Variants in PRKAR1A observed in about 807,000 individuals in gnomAD.
The protein encoded by PRKAR1A is cAMP-dependent protein kinase type I-alpha regulatory subunit.
Under a neutral mutation model 52.0 loss-of-function variants are expected in PRKAR1A, and 3 were observed. That is an observed-to-expected ratio of 0.06 (90% CI 0.03 to 0.15). The LOEUF is 0.15. Ranked by LOEUF, PRKAR1A falls within the 10% of genes least tolerant of loss-of-function variation. The pLI, the probability that PRKAR1A is intolerant of heterozygous loss-of-function variation, is 1.00. For missense variants in PRKAR1A, 240 were observed against 477.4 expected (o/e 0.50, Z 4.63); for synonymous variants, 188 against 168.4 (o/e 1.12, Z -0.90).
chr17:68,437,787 T>C, the PRKAR1A span, among the ~76,000 whole-genome samples: 91 of 152,004 alleles, frequency 6.0e-4, no homozygotes, highest in East Asian at 0.016. Context: ...AAGCTGTTTT[T>C]ATTTATAAGG....
intron 2 of PRKAR1A, among the ~76,000 whole-genome samples, chr17:68,517,235 C>T (rs1432351602): frequency 6.6e-6 from 1 of 152,052 alleles, no homozygotes; most frequent in Non-Finnish European, 1.5e-5. Flanking sequence ...ACATTCCTTC[C>T]AGGGTTGAAT....
At chr17:68,457,354 T>C in the PRKAR1A span, 1 of 1,544,512 alleles carries the variant, frequency 6.5e-7, no homozygotes, top group Non-Finnish European at 8.7e-7. Context: ...GCAGTCCTGG[T>C]TGAAAGAGAA....
At chr17:68,543,296 A>G (rs982391361) in intron 11 of PRKAR1A, among the ~76,000 whole-genome samples, 2 of 152,136 alleles carry the variant, frequency 1.3e-5, no homozygotes, top group Admixed American at 6.5e-5. Flanking sequence ...ACCTAATATC[A>G]TAACAGTGAG....
chr17:68,419,433 G>C, the PRKAR1A span, among the ~76,000 whole-genome samples: 1 of 152,020 alleles, frequency 6.6e-6, no homozygotes, highest in Non-Finnish European at 1.5e-5. Context: ...AAAATTAGCC[G>C]AGCGTGGTGG....
intron 7 of PRKAR1A, among the ~76,000 whole-genome samples, chr17:68,526,762 A>C (rs987375331): frequency 6.6e-6 from 1 of 152,160 alleles, no homozygotes; most frequent in Non-Finnish European, 1.5e-5. Flanking sequence ...ACTGGGGCCT[A>C]CTTGAGGGTG....
chr17:68,494,938 T>C, the PRKAR1A span, among the ~76,000 whole-genome samples: 4 of 152,250 alleles, frequency 2.6e-5, no homozygotes, highest in Non-Finnish European at 5.9e-5. Context: ...TAGCCGTAGA[T>C]AATTGGAATT....
chr17:68,420,617 C>T, the PRKAR1A span: 2 of 893,302 alleles, frequency 2.2e-6, no homozygotes, highest in Non-Finnish European at 3.4e-6. Flanking sequence ...GTATCCTGTC[C>T]CTCCTCCACG....
intron 7 of PRKAR1A, among the ~76,000 whole-genome samples, chr17:68,527,104 G>C (rs1433983138): frequency 6.6e-6 from 1 of 152,180 alleles, no homozygotes; most frequent in Non-Finnish European, 1.5e-5. Flanking sequence ...GTCAAAGAAG[G>C]AAGAGGTAGG....
the PRKAR1A span, among the ~76,000 whole-genome samples, chr17:68,479,905 T>G: frequency 0.22 from 33,923 of 152,166 alleles, 3,999 homozygotes; most frequent in South Asian, 0.25. Flanking sequence ...GGAGAGAGAA[T>G]TGCTGAGCAG....
the PRKAR1A span, among the ~76,000 whole-genome samples, chr17:68,419,805 A>T: frequency 6.6e-6 from 1 of 151,164 alleles, no homozygotes; most frequent in African/African-American, 2.4e-5. Context: ...GGAAAAAAAA[A>T]AAAAAAGTTG....
chr17:68,431,881 C>T, the PRKAR1A span, among the ~76,000 whole-genome samples: 1 of 151,956 alleles, frequency 6.6e-6, no homozygotes, highest in Middle Eastern at 3.4e-3. Context: ...TAATAATCCC[C>T]AGTGGAGGCG....
chr17:68,535,322 CT>C (rs1484585654), downstream of PRKAR1A: 1 of 453,862 alleles, frequency 2.2e-6, no homozygotes. Flanking sequence ...AAATTCAAGC[CT>C]ATTGCTTTCT....
chr17:68,521,522 T>C (rs565638489), intron 2 of PRKAR1A, among the ~76,000 whole-genome samples: 2 of 152,370 alleles, frequency 1.3e-5, no homozygotes, highest in African/African-American at 4.8e-5. Flanking sequence ...TAAGCCACTG[T>C]ACCCAGTCAT....
At chr17:68,426,254 G>GGGGGGGGCCCCCCCC in the PRKAR1A span, 2 of 816,912 alleles carry the variant, frequency 2.4e-6, no homozygotes, top group Non-Finnish European at 1.9e-6. Context: ...GGGAGCGGGG[G>GGGGGGGGCCCCCCCC]CTCAAATAAA....
chr17:68,483,406 G>A, the PRKAR1A span, among the ~76,000 whole-genome samples: 134 of 152,218 alleles, frequency 8.8e-4, no homozygotes, highest in Middle Eastern at 6.8e-3. Context: ...ACTTGAACTC[G>A]GGAGACAGAG....
chr17:68,457,315 C>CCTGG, the PRKAR1A span: 1 of 1,540,202 alleles, frequency 6.5e-7, no homozygotes, highest in South Asian at 1.2e-5. Flanking sequence ...CCCCCACCTC[C>CCTGG]CTGGCAGGGG....
the PRKAR1A span, among the ~76,000 whole-genome samples, chr17:68,503,289 C>G: frequency 6.6e-6 from 1 of 152,150 alleles, no homozygotes; most frequent in East Asian, 1.9e-4. Flanking sequence ...GGTACACCTA[C>G]TTTAGAATCC....
Position 68,541,975 on chromosome 17 carries a change from A to C in PRKAR1A, c.974-9109A>C, listed in dbSNP as rs779928728. 1.7e-5 allele frequency: 27 copies of C among 1,611,366 alleles called. No individual in the cohort carries two copies. In the African/African-American group the frequency reaches 3.2e-4, roughly 19 times the overall value. On this transcript the variant is annotated intron_variant, in intron 11 of 11. Coordinates refer to the PRKAR1A transcript ENST00000585981. The stretch of plus-strand genomic sequence containing the variant: ...AAGGACTGGGCTGTGTGGCCTGGGG[A>C]CCAACTCACTCCTCTTTTCCTGCCA...
the PRKAR1A span, chr17:68,424,308 G>A: frequency 2.4e-5 from 10 of 424,534 alleles, no homozygotes; most frequent in Admixed American, 6.1e-5. Context: ...CCGCAGAGCC[G>A]ATGTGGGAAA....
Sources: gnomAD v4.1 joint callset for allele counts (sites outside exome capture counted in the v4.1 genomes callset) on GRCh38, gnomAD v4.1.1 for gene constraint, MANE v1.5 for transcripts, NCBI Gene and HGNC (gene_info 2026-07-23, HGNC 2026-07-21) for gene names.